IMMP2L: variants seen among roughly 807,000 people sequenced by gnomAD.
The protein encoded by IMMP2L is inner mitochondrial membrane peptidase subunit 2, also known as mitochondrial inner membrane protease subunit 2.
In IMMP2L, 18 loss-of-function variants were observed where a neutral mutation model predicts 19.3. The ratio of observed to expected loss-of-function variants is 0.93; its 90% CI spans 0.64 to 1.38. The LOEUF (loss-of-function observed/expected upper bound fraction) is 1.38. Ranked by LOEUF, IMMP2L falls within the 40% of genes most tolerant of loss-of-function variation. The probability of loss-of-function intolerance (pLI) is 0.00; values close to 1 mark genes in which losing one functional copy is unlikely to be tolerated. For missense variants in IMMP2L, 233 were observed against 218.2 expected (o/e 1.07, Z -0.43); for synonymous variants, 76 against 73.0 (o/e 1.04, Z -0.21).
intron 3 of IMMP2L, among the ~76,000 whole-genome samples, chr7:111,301,079 C>A (rs1004779839): frequency 6.6e-6 from 1 of 152,020 alleles, no homozygotes; most frequent in Non-Finnish European, 1.5e-5. Flanking sequence ...TATGAGTGAT[C>A]CAGTTTCCTC....
At chr7:111,332,519 C>A (rs1265245710) in intron 3 of IMMP2L, among the ~76,000 whole-genome samples, 1 of 151,794 alleles carries the variant, frequency 6.6e-6, no homozygotes. Context: ...TAATATAGTA[C>A]CTTTTTGTAA....
intron 3 of IMMP2L, among the ~76,000 whole-genome samples, chr7:110,976,640 T>C (rs1414502687): frequency 2.0e-5 from 3 of 152,010 alleles, no homozygotes; most frequent in Non-Finnish European, 4.4e-5. Context: ...AGATCAGTGG[T>C]CCTGAAACTA....
intron 1 of IMMP2L, among the ~76,000 whole-genome samples, chr7:111,530,538 G>A (rs1005120516): frequency 6.6e-6 from 1 of 152,012 alleles, no homozygotes; most frequent in African/African-American, 2.4e-5. Flanking sequence ...CACTGTCTTA[G>A]GTGTCTTGAG....
At chr7:111,316,852 T>C (rs991025756) in intron 3 of IMMP2L, among the ~76,000 whole-genome samples, 23 of 135,642 alleles carry the variant, frequency 1.7e-4, no homozygotes, top group African/African-American at 4.1e-4. Flanking sequence ...TTTCTTTTTT[T>C]TTTTTTTTTT....
At chr7:111,038,917 A>C (rs1429647728) in intron 3 of IMMP2L, among the ~76,000 whole-genome samples, 1 of 152,182 alleles carries the variant, frequency 6.6e-6, no homozygotes, top group Non-Finnish European at 1.5e-5. Flanking sequence ...AATCAAAATC[A>C]AGGTTTCTAC....
chr7:111,050,133 A>C (rs1189147079), intron 3 of IMMP2L, among the ~76,000 whole-genome samples: 1 of 152,226 alleles, frequency 6.6e-6, no homozygotes, highest in Non-Finnish European at 1.5e-5. Context: ...TGAAGTATAT[A>C]ATAGGCATTC....
At chr7:111,435,244 C>T (rs938935356) in intron 3 of IMMP2L, among the ~76,000 whole-genome samples, 1 of 151,816 alleles carries the variant, frequency 6.6e-6, no homozygotes, top group African/African-American at 2.4e-5. Flanking sequence ...ATCTTTATCA[C>T]TGCACTAGTC....
intron 3 of IMMP2L, among the ~76,000 whole-genome samples, chr7:111,176,387 G>A (rs1025283797): frequency 2.0e-5 from 3 of 151,972 alleles, no homozygotes; most frequent in African/African-American, 7.2e-5. Flanking sequence ...ATCAACAGAA[G>A]AATGAATAAA....
At chr7:110,726,452 T>C (rs1313162595) in intron 5 of IMMP2L, among the ~76,000 whole-genome samples, 5 of 152,162 alleles carry the variant, frequency 3.3e-5, no homozygotes, top group Non-Finnish European at 7.4e-5. Context: ...CCCAAGACAA[T>C]AATTAGCACA....
rs562365663 is a variant in IMMP2L at position 110,721,216 on chromosome 7, T to G, written c.409-57495A>C. ...GACAAGCTGGAAGGGACAGATACCA[T>G]CTTTATGTGTAAGACTCTGGGAAAC... On this transcript the variant is annotated intron_variant, in intron 5 of 5. Coordinates refer to ENST00000405709, the MANE Select transcript of IMMP2L (RefSeq NM_032549.4). 5.3e-5 allele frequency among the ~76,000 whole-genome samples: 8 copies of G among 152,048 alleles called. 1 individual carries two copies. The East Asian group carries it at 1.4e-3, about 26-fold the overall frequency.
chr7:111,031,065 G>A (rs1271374430), intron 3 of IMMP2L, among the ~76,000 whole-genome samples: 1 of 151,538 alleles, frequency 6.6e-6, no homozygotes, highest in East Asian at 1.9e-4. Flanking sequence ...ATTATGGTAG[G>A]AGACACAGTA....
At chr7:111,107,676 C>A (rs542726274) in intron 3 of IMMP2L, among the ~76,000 whole-genome samples, 1 of 151,966 alleles carries the variant, frequency 6.6e-6, no homozygotes, top group South Asian at 2.1e-4. Flanking sequence ...ACAATAGATG[C>A]GTTTCATGCT....
rs986691759 is a variant in IMMP2L at position 111,156,093 on chromosome 7, A to G, written c.240-192528T>C. Reference sequence around the variant, plus strand: ...TTAATTTTATATCTACAAGATTTTTATTATTTCTATTCTTGACAGACATTT... The same window carrying G: ...TTAATTTTATATCTACAAGATTTTTGTTATTTCTATTCTTGACAGACATTT... On this transcript the variant is annotated intron_variant, in intron 3 of 5. Coordinates refer to ENST00000405709, the MANE Select transcript of IMMP2L (RefSeq NM_032549.4). Among the ~76,000 whole-genome samples, 3 of 152,008 alleles carry G rather than the reference A, an allele frequency of 2.0e-5. No individual in the cohort carries two copies. The South Asian group carries it at 6.2e-4, about 31-fold the overall frequency.
At chr7:111,502,206 A>C (rs1844353586) in intron 2 of IMMP2L, among the ~76,000 whole-genome samples, 1 of 151,846 alleles carries the variant, frequency 6.6e-6, no homozygotes, top group Non-Finnish European at 1.5e-5. Flanking sequence ...ACCAACAAAG[A>C]TCAAAAGAGA....
chr7:111,351,213 C>T (rs182096250), intron 3 of IMMP2L, among the ~76,000 whole-genome samples: 238 of 152,192 alleles, frequency 1.6e-3, no homozygotes, highest in African/African-American at 5.3e-3. Context: ...ATTTTTGAGA[C>T]GGAGTCTTGC....
At chr7:111,521,009 G>A (rs768834711) in intron 2 of IMMP2L, among the ~76,000 whole-genome samples, 1 of 152,024 alleles carries the variant, frequency 6.6e-6, no homozygotes, top group Non-Finnish European at 1.5e-5. Context: ...TTCTAATAGA[G>A]CCATATTCAC....
Position 110,802,735 on chromosome 7 carries a change from C to A in IMMP2L, c.408+83858G>T, listed in dbSNP as rs138858457. On this transcript the variant is annotated intron_variant, in intron 5 of 5. Transcript: ENST00000405709. ...CTTTAAAGCACAACTATAAGAACCA[C>A]GAGAATATAACAGAGTCAAAAAACA... is the stretch of plus-strand genomic sequence containing the variant. Among the ~76,000 whole-genome samples, 207 of 151,974 alleles carry A rather than the reference C, an allele frequency of 1.4e-3. 1 individual carries two copies. Among genetic ancestry groups the A allele is most frequent in the African/African-American group, 4.7e-3 (193 of 41,452 alleles).
At chr7:111,198,042 C>T (rs10214984) in intron 3 of IMMP2L, among the ~76,000 whole-genome samples, 35,205 of 151,934 alleles carry the variant, frequency 0.23, 6,105 homozygotes, top group African/African-American at 0.49. Flanking sequence ...TAATCTAAAT[C>T]TAGGGACATC....
intron 3 of IMMP2L, among the ~76,000 whole-genome samples, chr7:111,069,215 G>T (rs1794753751): frequency 6.6e-6 from 1 of 152,150 alleles, no homozygotes; most frequent in South Asian, 2.1e-4. Flanking sequence ...GATGACTGCT[G>T]GGCATGAAGA....
Sources: allele counts gnomAD v4.1 joint callset (sites outside exome capture counted in the v4.1 genomes callset), GRCh38; gene constraint gnomAD v4.1.1; transcripts MANE v1.5; gene names NCBI Gene and HGNC (gene_info 2026-07-23, HGNC 2026-07-21).